The following NOS1AP variants were observed in gnomAD, a reference collection of about 807,000 sequenced individuals.
NOS1AP encodes carboxyl-terminal PDZ ligand of neuronal nitric oxide synthase protein.
Under a neutral mutation model 56.2 loss-of-function variants are expected in NOS1AP, and 21 were observed. The observed-to-expected ratio is 0.37, with a 90% confidence interval of 0.26 to 0.54. The LOEUF (loss-of-function observed/expected upper bound fraction) is 0.54. Among genes scored for constraint, NOS1AP ranks in the 20% least tolerant of loss-of-function variants. The probability of loss-of-function intolerance (pLI) is 0.84; values close to 1 mark genes in which losing one functional copy is unlikely to be tolerated. For synonymous variants in NOS1AP, 270 were observed against 274.6 expected (o/e 0.98, Z 0.17); for missense variants, 522 against 657.8 (o/e 0.79, Z 2.26).
intron 4 of NOS1AP, among the ~76,000 whole-genome samples, chr1:162,327,586 A>G (rs532055394): frequency 6.6e-6 from 1 of 152,338 alleles, no homozygotes; most frequent in South Asian, 2.1e-4. Flanking sequence ...AGTCCTAAAA[A>G]ACCAGTTACC....
At chr1:162,348,933 C>T (rs1657392922) in intron 6 of NOS1AP, among the ~76,000 whole-genome samples, 1 of 152,330 alleles carries the variant, frequency 6.6e-6, no homozygotes, top group African/African-American at 2.4e-5. Flanking sequence ...TGCCTGTAAT[C>T]CCAGCACTTT....
intron 4 of NOS1AP, among the ~76,000 whole-genome samples, chr1:162,313,310 G>A (rs975176086): frequency 2.0e-5 from 3 of 152,292 alleles, no homozygotes; most frequent in African/African-American, 7.2e-5. Context: ...TAAAAATAAA[G>A]TAGTGAAGAG....
rs200689197 is a variant in NOS1AP at position 162,128,136 on chromosome 1, AT to A, written c.106-26259del. On this transcript the variant is annotated intron_variant, in intron 1 of 9. Transcript: ENST00000361897. ...ATCCATGTTTTCTTTTAGTACTTGG[AT>A]TTTTTTTTTAAATGTAATTCATATC... is the stretch of plus-strand genomic sequence containing the variant. Among the ~76,000 whole-genome samples, 81 of 150,282 alleles carry A rather than the reference AT, an allele frequency of 5.4e-4. 1 individual carries two copies. The highest frequency in any genetic ancestry group is 1.2e-3 in the African/African-American group (51 of 41,036).
intron 2 of NOS1AP, among the ~76,000 whole-genome samples, chr1:162,223,073 G>T (rs1009277061): frequency 1.3e-5 from 2 of 152,276 alleles, no homozygotes; most frequent in African/African-American, 4.8e-5. Context: ...ATTTTATTCA[G>T]GATGTTGAGT....
chr1:162,276,286 A>G (rs1435529945), intron 2 of NOS1AP, among the ~76,000 whole-genome samples: 6 of 152,158 alleles, frequency 3.9e-5, no homozygotes, highest in Admixed American at 3.9e-4. Flanking sequence ...AGAAATTTGG[A>G]CGACGTAATG....
intron 1 of NOS1AP, among the ~76,000 whole-genome samples, chr1:162,127,307 A>G (rs1558111656): frequency 6.6e-6 from 1 of 152,160 alleles, no homozygotes. Context: ...GTATAGTGCA[A>G]TGACCTCGTA....
intron 2 of NOS1AP, among the ~76,000 whole-genome samples, chr1:162,231,226 C>G (rs1168902533): frequency 6.6e-6 from 1 of 152,168 alleles, no homozygotes; most frequent in African/African-American, 2.4e-5. Context: ...TTATATTTCC[C>G]TAATGATTAG....
intron 2 of NOS1AP, among the ~76,000 whole-genome samples, chr1:162,252,215 T>G (rs1429723678): frequency 1.3e-5 from 2 of 151,914 alleles, no homozygotes; most frequent in African/African-American, 2.4e-5. Context: ...TCCAGCTAAT[T>G]TTTGTATTTT....
At chr1:162,274,743 C>G (rs1428137606) in intron 2 of NOS1AP, among the ~76,000 whole-genome samples, 5 of 152,136 alleles carry the variant, frequency 3.3e-5, no homozygotes, top group African/African-American at 1.2e-4. Context: ...ATTTTTTAGC[C>G]TTGTTTCCTA....
At chr1:162,282,741 T>A (rs1030345541) in intron 2 of NOS1AP, among the ~76,000 whole-genome samples, 2 of 152,196 alleles carry the variant, frequency 1.3e-5, no homozygotes, top group Non-Finnish European at 2.9e-5. Context: ...TTTCCTGTGA[T>A]CATTTGCAAG....
chr1:162,224,246 C>T (rs567076730), intron 2 of NOS1AP, among the ~76,000 whole-genome samples: 25 of 151,802 alleles, frequency 1.6e-4, no homozygotes, highest in African/African-American at 5.3e-4. Flanking sequence ...TTTTTGAGAC[C>T]GTTCATTCAT....
At chr1:162,094,803 C>T (rs1451792988) in intron 1 of NOS1AP, among the ~76,000 whole-genome samples, 1 of 152,160 alleles carries the variant, frequency 6.6e-6, no homozygotes, top group Non-Finnish European at 1.5e-5. Context: ...AAACCATGGT[C>T]CAGTTGTTGA....
intron 2 of NOS1AP, among the ~76,000 whole-genome samples, chr1:162,265,710 A>C (rs1654402189): frequency 6.6e-6 from 1 of 152,160 alleles, no homozygotes; most frequent in Non-Finnish European, 1.5e-5. Flanking sequence ...GGGGCAGTTG[A>C]TTTGCTTGAG....
intron 2 of NOS1AP, among the ~76,000 whole-genome samples, chr1:162,168,780 A>G (rs1470831719): frequency 1.3e-5 from 2 of 152,098 alleles, no homozygotes; most frequent in South Asian, 2.1e-4. Context: ...AAGATAGTAC[A>G]TAGAAGAGAG....
At chr1:162,352,420 ATT>A (rs11362097) in intron 6 of NOS1AP, among the ~76,000 whole-genome samples, 1 of 139,886 alleles carries the variant, frequency 7.1e-6, no homozygotes, top group African/African-American at 2.6e-5. Flanking sequence ...TGCCCCTGGT[ATT>A]TTTTTTTTTT....
At chr1:162,141,098 T>C (rs1649218222) in intron 1 of NOS1AP, among the ~76,000 whole-genome samples, 1 of 152,228 alleles carries the variant, frequency 6.6e-6, no homozygotes, top group South Asian at 2.1e-4. Flanking sequence ...CTTGCCTCCT[T>C]ATCTTTGGCA....
chr1:162,113,135 C>T (rs1423212978), intron 1 of NOS1AP, among the ~76,000 whole-genome samples: 1 of 152,046 alleles, frequency 6.6e-6, no homozygotes, highest in Non-Finnish European at 1.5e-5. Context: ...GATGAGGATC[C>T]CTGGTTTCTA....
At chr1:162,252,662 C>T (rs1224797969) in intron 2 of NOS1AP, among the ~76,000 whole-genome samples, 1 of 152,076 alleles carries the variant, frequency 6.6e-6, no homozygotes, top group Non-Finnish European at 1.5e-5. Context: ...CTATTAATCC[C>T]TGGTTTCTTT....
intron 1 of NOS1AP, among the ~76,000 whole-genome samples, chr1:162,119,624 G>A (rs148262512): frequency 6.6e-6 from 1 of 152,268 alleles, no homozygotes; most frequent in East Asian, 1.9e-4. Context: ...AGAAGTATTA[G>A]GAACCTACTT....
Sources: gnomAD v4.1 joint callset for allele counts (sites outside exome capture counted in the v4.1 genomes callset) on GRCh38, gnomAD v4.1.1 for gene constraint, MANE v1.5 for transcripts, NCBI Gene and HGNC (gene_info 2026-07-23, HGNC 2026-07-21) for gene names.